WDR27: variants seen among roughly 807,000 people sequenced by gnomAD.
WDR27 encodes WD repeat domain 27.
In WDR27, 100 loss-of-function variants were observed where a neutral mutation model predicts 114.4. The observed-to-expected ratio is 0.87, with a 90% CI of 0.74 to 1.03. The LOEUF (loss-of-function observed/expected upper bound fraction) is 1.03, where lower values mean the gene tolerates loss of function less well. Among genes scored for constraint, WDR27 ranks in the 50% least tolerant of loss-of-function variants. WDR27 has a pLI of 0.00. For missense variants in WDR27, 1,129 were observed against 1,092.9 expected (o/e 1.03, Z -0.47); for synonymous variants, 449 against 423.1 (o/e 1.06, Z -0.75).
At chr6:169,652,030 GA>G in intron 13 of WDR27, 22 bp from the exon 14 acceptor site, 1 of 1,611,346 alleles carries the variant, frequency 6.2e-7, no homozygotes, top group Non-Finnish European at 8.5e-7. Flanking sequence ...CAATTTTAAA[GA>G]AGAAACAAAC....
At position 169,577,580 on chromosome 6, in the gene WDR27, A is replaced by T. The variant is rs375213322; in HGVS notation, c.2524-5040T>A. ...ACGAACTCGGCCCCGAAGCAGGACG[A>T]CGGCGCCTCCGGAAGCCAGAAAAGG... On this transcript the variant is annotated intron_variant, in intron 24 of 25. Coordinates refer to ENST00000448612, the MANE Select transcript of WDR27 (RefSeq NM_182552.5). Among the ~76,000 whole-genome samples, 14 of 152,222 alleles carry T rather than the reference A, an allele frequency of 9.2e-5. No individual in the cohort carries two copies. The East Asian group carries it at 1.5e-3, about 17-fold the overall frequency.
intron 22 of WDR27, among the ~76,000 whole-genome samples, chr6:169,612,766 G>A (rs1810891126): frequency 6.6e-6 from 1 of 151,748 alleles, no homozygotes; most frequent in South Asian, 2.1e-4. Flanking sequence ...AAGTAGTAAA[G>A]GAAATAATAA....
chr6:169,549,036 A>G (rs935648262), intron 25 of WDR27, among the ~76,000 whole-genome samples: 3 of 152,252 alleles, frequency 2.0e-5, no homozygotes, highest in Non-Finnish European at 2.9e-5. Context: ...ATGATCTATG[A>G]AAGAATAACT....
At chr6:169,625,573 C>T (rs1160064210) in intron 21 of WDR27, among the ~76,000 whole-genome samples, 3 of 152,318 alleles carry the variant, frequency 2.0e-5, no homozygotes, top group Middle Eastern at 3.4e-3. Context: ...GGACCAGGCC[C>T]GACGGGGTCA....
chr6:169,499,704 A>G (rs562888119), intron 25 of WDR27, among the ~76,000 whole-genome samples: 2 of 152,334 alleles, frequency 1.3e-5, no homozygotes, highest in Admixed American at 6.5e-5. Flanking sequence ...ACACAGGAGA[A>G]GGCACTGCCA....
intron 25 of WDR27, among the ~76,000 whole-genome samples, chr6:169,478,513 C>A (rs1052312480): frequency 2.0e-5 from 3 of 151,736 alleles, no homozygotes; most frequent in Admixed American, 6.6e-5. Context: ...GAATTATAAG[C>A]CTATATCATA....
At chr6:169,545,109 A>G (rs1363555751) in intron 25 of WDR27, among the ~76,000 whole-genome samples, 2 of 152,234 alleles carry the variant, frequency 1.3e-5, no homozygotes, top group African/African-American at 4.8e-5. Context: ...AAACTTGACA[A>G]ACAAGAATAA....
chr6:169,447,556 T>C, the WDR27 span, among the ~76,000 whole-genome samples: 2 of 152,174 alleles, frequency 1.3e-5, no homozygotes, highest in African/African-American at 2.4e-5. Context: ...TGTTTTTACA[T>C]AAGGAGACTC....
intron 21 of WDR27, among the ~76,000 whole-genome samples, chr6:169,626,937 A>G (rs765245019): frequency 1.6e-4 from 24 of 152,210 alleles, no homozygotes; most frequent in Non-Finnish European, 2.9e-4. Flanking sequence ...GAAAACCTGG[A>G]CTCTAAAGAG....
the WDR27 span, among the ~76,000 whole-genome samples, chr6:169,427,809 CAAAAAA>C: frequency 7.9e-6 from 1 of 126,614 alleles, no homozygotes; most frequent in African/African-American, 3.0e-5. Flanking sequence ...AAACAACAAC[CAAAAAA>C]AAAAAAAAAA....
At chr6:169,603,288 T>A (rs970489178) in intron 22 of WDR27, among the ~76,000 whole-genome samples, 1 of 147,562 alleles carries the variant, frequency 6.8e-6, no homozygotes, top group African/African-American at 2.7e-5. Context: ...TGAACTGTAG[T>A]GTACTACTGA....
chr6:169,456,525 G>A (rs1048980130), downstream of WDR27, among the ~76,000 whole-genome samples: 13 of 152,144 alleles, frequency 8.5e-5, no homozygotes, highest in Non-Finnish European at 1.5e-4. The surrounding 1 kb of genome is among the most constrained non-coding windows in gnomAD (Gnocchi z 4.0). Context: ...GAATTGCCTT[G>A]GAAGCATCCT....
chr6:169,436,748 A>G, the WDR27 span, among the ~76,000 whole-genome samples: 1 of 152,140 alleles, frequency 6.6e-6, no homozygotes, highest in African/African-American at 2.4e-5. Context: ...AAAATACAGA[A>G]ACATTAATTG....
chr6:169,693,572 C>T (rs969566768), intron 1 of WDR27, among the ~76,000 whole-genome samples: 1 of 152,130 alleles, frequency 6.6e-6, no homozygotes, highest in Non-Finnish European at 1.5e-5. Flanking sequence ...AATCAAGTAT[C>T]TGGTGTCTTC....
intron 2 of WDR27, among the ~76,000 whole-genome samples, chr6:169,678,450 A>C (rs1378850501): frequency 6.6e-6 from 1 of 152,236 alleles, no homozygotes; most frequent in African/African-American, 2.4e-5. Flanking sequence ...AATGCCTATA[A>C]TCCCTTTGTA....
intron 8 of WDR27, among the ~76,000 whole-genome samples, chr6:169,663,955 C>T (rs969403412): frequency 3.9e-5 from 6 of 152,230 alleles, no homozygotes; most frequent in African/African-American, 1.4e-4. Context: ...GCCTCTCACC[C>T]CCGTCCCCAC....
Position 169,675,714 on chromosome 6 carries a change from C to A in WDR27, c.190-3318G>T, listed in dbSNP as rs117842263. Among the ~76,000 whole-genome samples the A allele has an allele frequency of 3.2e-3, 492 of 152,116 alleles. 2 individuals carry two copies. Among genetic ancestry groups the A allele is most frequent in the Non-Finnish European group, 5.3e-3 (362 of 68,000 alleles). ...GGTTGTTTATCTAAAGATCTGAGAT[C>A]GATAGGAATATTCAGGTTAAGATAA... is the stretch of plus-strand genomic sequence containing the variant. On this transcript the variant is annotated intron_variant, in intron 2 of 25. Transcript: ENST00000448612.
At chr6:169,624,409 T>G (rs1353831861) in intron 21 of WDR27, among the ~76,000 whole-genome samples, 2 of 151,932 alleles carry the variant, frequency 1.3e-5, no homozygotes, top group Non-Finnish European at 1.5e-5. Context: ...CTCACCAGAG[T>G]GCAGCCCCTC....
At chr6:169,471,159 G>A (rs945851818) in intron 25 of WDR27, among the ~76,000 whole-genome samples, 1 of 145,134 alleles carries the variant, frequency 6.9e-6, no homozygotes, top group African/African-American at 2.5e-5. Flanking sequence ...AGTAATTGCG[G>A]TTTTTGTCAC....
Sources: allele counts gnomAD v4.1 joint callset (sites outside exome capture counted in the v4.1 genomes callset), GRCh38; gene constraint gnomAD v4.1.1; non-coding constraint Gnocchi (gnomAD v3.1); transcripts MANE v1.5; gene names NCBI Gene and HGNC (gene_info 2026-07-23, HGNC 2026-07-21).